The following HEATR5B variants were observed in gnomAD, a reference collection of about 807,000 sequenced individuals.
HEATR5B encodes HEAT repeat-containing protein 5B.
Under a neutral mutation model 224.1 loss-of-function variants are expected in HEATR5B, and 156 were observed. The ratio of observed to expected loss-of-function variants is 0.70; its 90% CI spans 0.61 to 0.80. HEATR5B has a LOEUF of 0.80. HEATR5B is among the 30% of genes least tolerant of loss of function. The pLI, the probability that HEATR5B is intolerant of heterozygous loss-of-function variation, is 0.00. For synonymous variants in HEATR5B, 1,027 were observed against 893.0 expected, an observed-to-expected ratio of 1.15 and a Z score of -2.68; for missense variants, 2,323 against 2,535.5, an observed-to-expected ratio of 0.92 and a Z score of 1.80.
At chr2:37,043,113 C>G (rs910420225) in intron 18 of HEATR5B, among the ~76,000 whole-genome samples, 1 of 152,174 alleles carries the variant, frequency 6.6e-6, no homozygotes, top group Non-Finnish European at 1.5e-5. Context: ...AAACTTTCCA[C>G]TTGATGTGTG....
chr2:37,043,214 T>C (rs1464136286), intron 18 of HEATR5B, among the ~76,000 whole-genome samples: 2 of 152,238 alleles, frequency 1.3e-5, no homozygotes, highest in African/African-American at 2.4e-5. Context: ...GAAGCATTTC[T>C]TTAAAGAACT....
rs1667015563 is a variant in HEATR5B at position 37,000,449 on chromosome 2, C to G, written c.5545+137G>C. The G allele has an allele frequency of 4.5e-6, 3 of 673,264 alleles. No individual in the cohort carries two copies. In the East Asian group the frequency reaches 8.1e-5, roughly 18 times the overall value. The allele number at this position is 673,264 out of a possible 1,614,324, so 41.7% of individuals were successfully genotyped here. The stretch of plus-strand genomic sequence containing the variant: ...CAGAAAAGAGTATTAAAGTTCACAT[C>G]TGAAAGATATGACTAACATACCTCT... On this transcript the variant is annotated intron_variant, in intron 33 of 35. Transcript: ENST00000233099.
At chr2:36,985,363 T>A (rs563101193) in intron 35 of HEATR5B, among the ~76,000 whole-genome samples, 1 of 152,160 alleles carries the variant, frequency 6.6e-6, no homozygotes, top group South Asian at 2.1e-4. Context: ...TTATTCTACC[T>A]CTTAAAAGTC....
Position 36,988,811 on chromosome 2 carries a change from T to G in HEATR5B, c.5746A>C (p.Asn1916His). ...ATATAAGGAGTTGAAAGGGCACGATTGGAATGCTGGAAGACTGAGAGGAGA... is the reference window on the plus strand; with the variant it reads ...ATATAAGGAGTTGAAAGGGCACGATGGGAATGCTGGAAGACTGAGAGGAGA... ...QLLLSVFQHS[N>H]RALSTPYIHS... The change falls in exon 35 of 36, where the codon AAT (asparagine) becomes CAT (histidine). Residue 1916 changes from asparagine to histidine, a missense_variant. Around this residue, in one of 12 missense-constraint regions of HEATR5B, gnomAD observed 844 missense variants for 812.9 expected, o/e 1.04. Transcript: ENST00000233099. 3.1e-6 allele frequency: 5 copies of G among 1,614,124 alleles called. No homozygotes were observed. The highest frequency in any genetic ancestry group is 3.4e-6 in the Non-Finnish European group (4 of 1,180,010).
In HEATR5B at chr2:37,003,700, A is replaced by G. The variant is rs1667236863; in HGVS notation, c.4906-14T>C. On this transcript the variant is annotated splice_polypyrimidine_tract_variant and intron_variant, in intron 30 of 35. Coordinates refer to ENST00000233099, the MANE Select transcript of HEATR5B (RefSeq NM_019024.3). ...AACACCTATCAGCTAATACAAATAAATACAAATACAGTTAAGTAATTTCAA... is the reference window on the plus strand; with the variant it reads ...AACACCTATCAGCTAATACAAATAAGTACAAATACAGTTAAGTAATTTCAA... 2 of 1,553,644 alleles carry G rather than the reference A, an allele frequency of 1.3e-6. No homozygotes were observed. Among genetic ancestry groups the G allele is most frequent in the Non-Finnish European group, 1.7e-6 (2 of 1,144,768 alleles).
At chr2:37,049,869 AAGAC>A (rs1670429363) in intron 17 of HEATR5B, 26 bp from the exon 18 acceptor site, 1 of 1,379,504 alleles carries the variant, frequency 7.2e-7, no homozygotes, top group South Asian at 1.4e-5. Context: ...AAAAAAAAAA[AAGAC>A]AGCAATTCAT....
chr2:37,060,893 A>C (rs1558361139), intron 11 of HEATR5B, among the ~76,000 whole-genome samples, 160 bp from the exon 12 acceptor site: 1 of 152,158 alleles, frequency 6.6e-6, no homozygotes, highest in Non-Finnish European at 1.5e-5. Context: ...CTCTATTTTT[A>C]TCTCTAAAAT....
Position 36,996,204 on chromosome 2 carries a change from G to A in HEATR5B, c.5545+4382C>T, listed in dbSNP as rs543673630. 9.9e-5 allele frequency among the ~76,000 whole-genome samples: 15 copies of A among 151,958 alleles called. No homozygotes were observed. In the South Asian group the frequency reaches 3.1e-3, roughly 32 times the overall value. On this transcript the variant is annotated intron_variant, in intron 33 of 35. Coordinates refer to ENST00000233099, the MANE Select transcript of HEATR5B (RefSeq NM_019024.3). ...GCCTCCTGAGTAGCTGGGATTATAG[G>A]CGCCTGCCACCACGCCCAGCTAATT...
intron 17 of HEATR5B, among the ~76,000 whole-genome samples, chr2:37,050,048 G>A (rs567954041): frequency 2.0e-5 from 3 of 151,800 alleles, no homozygotes; most frequent in Non-Finnish European, 2.9e-5. Flanking sequence ...ATGCCACCCT[G>A]CTGGGCTAAT....
At chr2:37,005,002 T>C (rs1667322474) in intron 30 of HEATR5B, among the ~76,000 whole-genome samples, 1 of 152,128 alleles carries the variant, frequency 6.6e-6, no homozygotes, top group Non-Finnish European at 1.5e-5. Context: ...GTTACATCAT[T>C]CCTCTACTTA....
At chr2:37,073,933 G>C (rs1030078695) in intron 5 of HEATR5B, among the ~76,000 whole-genome samples, 1 of 152,206 alleles carries the variant, frequency 6.6e-6, no homozygotes, top group African/African-American at 2.4e-5. Context: ...AAACAGCACA[G>C]AGAGTCCAAA....
At chr2:37,009,780 C>CTCTT (rs1558726289) in intron 27 of HEATR5B, among the ~76,000 whole-genome samples, 2 of 133,006 alleles carry the variant, frequency 1.5e-5, no homozygotes, top group South Asian at 2.4e-4. Flanking sequence ...CCCGCCTCCA[C>CTCTT]TTTTTTTTTT....
intron 30 of HEATR5B, among the ~76,000 whole-genome samples, chr2:37,005,202 G>A (rs1377918077): frequency 2.6e-5 from 4 of 152,116 alleles, no homozygotes; most frequent in Non-Finnish European, 4.4e-5. Context: ...GCCTCCTAGT[G>A]TTCGTATTTG....
intron 27 of HEATR5B, among the ~76,000 whole-genome samples, chr2:37,012,645 C>T (rs1437652246): frequency 6.6e-6 from 1 of 152,210 alleles, no homozygotes; most frequent in African/African-American, 2.4e-5. Context: ...CTGCCTCGGC[C>T]TCCCAAAGTG....
intron 26 of HEATR5B, among the ~76,000 whole-genome samples, chr2:37,019,460 C>CTT (rs754220468): frequency 7.0e-6 from 1 of 143,484 alleles, no homozygotes; most frequent in Non-Finnish European, 1.5e-5. Flanking sequence ...TCCTCTCTCT[C>CTT]TTTTTTTTTT....
At chr2:36,982,586 C>T (rs569273327) in intron 35 of HEATR5B, among the ~76,000 whole-genome samples, 9 of 152,138 alleles carry the variant, frequency 5.9e-5, no homozygotes, top group South Asian at 2.1e-4. Context: ...TGACAACTGA[C>T]GCAATTGTAA....
intron 33 of HEATR5B, among the ~76,000 whole-genome samples, chr2:37,000,280 T>A (rs1239623988): frequency 1.3e-5 from 2 of 151,998 alleles, no homozygotes; most frequent in African/African-American, 4.8e-5. Flanking sequence ...TTTCACCGTG[T>A]TAATCAGGCT....
intron 17 of HEATR5B, among the ~76,000 whole-genome samples, chr2:37,050,172 C>T (rs968127810): frequency 3.3e-5 from 5 of 152,142 alleles, no homozygotes; most frequent in African/African-American, 7.2e-5. Context: ...GGATTACAGG[C>T]GCACCTGGCC....
chr2:37,020,351 CT>C (rs1343213564), intron 25 of HEATR5B, among the ~76,000 whole-genome samples: 1 of 152,188 alleles, frequency 6.6e-6, no homozygotes, highest in Non-Finnish European at 1.5e-5. Context: ...TTGAAGGTTC[CT>C]TTTATCTCTT....
Sources: gnomAD v4.1 joint callset for allele counts (sites outside exome capture counted in the v4.1 genomes callset) on GRCh38, gnomAD v4.1.1 for gene constraint, gnomAD v4.1.1 regional missense constraint, MANE v1.5 for transcripts, NCBI Gene and HGNC (gene_info 2026-07-23, HGNC 2026-07-21) for gene names.